The following SH3PXD2A variants were observed in gnomAD, a reference collection of about 807,000 sequenced individuals.
SH3PXD2A encodes the protein SH3 and PX domain-containing protein 2A.
In SH3PXD2A, 32 loss-of-function variants were observed where a neutral mutation model predicts 115.2. The ratio of observed to expected loss-of-function variants is 0.28; its 90% CI spans 0.21 to 0.37. The LOEUF (loss-of-function observed/expected upper bound fraction) is 0.37. Among genes scored for constraint, SH3PXD2A ranks in the 10% least tolerant of loss-of-function variants. The pLI is 1.00. For synonymous variants in SH3PXD2A, 610 were observed against 629.1 expected (o/e 0.97, Z 0.45); for missense variants, 1,328 against 1,498.7 (o/e 0.89, Z 1.88).
intron 2 of SH3PXD2A, among the ~76,000 whole-genome samples, chr10:103,783,396 C>T (rs887815603): frequency 2.0e-5 from 3 of 152,040 alleles, no homozygotes; most frequent in African/African-American, 7.2e-5. Context: ...CGGGGCTGGA[C>T]CACGGTGGGG....
intron 13 of SH3PXD2A, among the ~76,000 whole-genome samples, chr10:103,606,181 ATC>A (rs2036298294): frequency 3.1e-5 from 1 of 32,350 alleles, no homozygotes; most frequent in East Asian, 8.8e-4. Flanking sequence ...TATTACTATC[ATC>A]ATCATCATCA....
chr10:103,807,201 A>C (rs938535392), intron 1 of SH3PXD2A, among the ~76,000 whole-genome samples: 2 of 152,178 alleles, frequency 1.3e-5, no homozygotes, highest in East Asian at 3.8e-4. Flanking sequence ...CTGGTCTGGG[A>C]CCAATTAGAA....
Position 103,755,898 on chromosome 10 carries a change from G to A in SH3PXD2A, c.229+11196C>T, listed in dbSNP as rs113766924. On this transcript the variant is annotated intron_variant, in intron 3 of 14. Transcript: ENST00000369774. ...TTTCCTTCACACGAGCTTCGATCTT[G>A]ACAGTTGAAGCCTGCAGGGGTGTCG... is the stretch of plus-strand genomic sequence containing the variant. Among the ~76,000 whole-genome samples the A allele has an allele frequency of 4.4e-4, 67 of 152,308 alleles. 1 individual carries two copies. The highest frequency in any genetic ancestry group is 1.5e-3 in the African/African-American group (61 of 41,572).
intron 4 of SH3PXD2A, among the ~76,000 whole-genome samples, chr10:103,732,542 GTGGTGGGAC>G (rs2038333051): frequency 6.6e-6 from 1 of 152,220 alleles, no homozygotes; most frequent in Non-Finnish European, 1.5e-5. Flanking sequence ...CCGCCATTAG[GTGGTGGGAC>G]TGGCTGGCCA....
intron 1 of SH3PXD2A, among the ~76,000 whole-genome samples, chr10:103,819,024 T>C (rs2039350959): frequency 6.6e-6 from 1 of 152,234 alleles, no homozygotes; most frequent in African/African-American, 2.4e-5. Context: ...GCTTCCTTTG[T>C]TTTCTCTACA....
chr10:103,639,286 A>G (rs1349312812), intron 8 of SH3PXD2A, among the ~76,000 whole-genome samples: 1 of 152,224 alleles, frequency 6.6e-6, no homozygotes, highest in African/African-American at 2.4e-5. Context: ...GCTCACTCTA[A>G]TGGCTTCATA....
chr10:103,706,016 AAAAG>A (rs1234917895), intron 5 of SH3PXD2A, among the ~76,000 whole-genome samples: 2 of 151,944 alleles, frequency 1.3e-5, no homozygotes, highest in South Asian at 2.1e-4. Context: ...AAAAAAAAAA[AAAAG>A]AAAGAAAGAA....
chr10:103,805,627 A>G (rs1346323976), intron 1 of SH3PXD2A, among the ~76,000 whole-genome samples: 1 of 152,244 alleles, frequency 6.6e-6, no homozygotes, highest in Non-Finnish European at 1.5e-5. Flanking sequence ...ATGGTGGCTC[A>G]TGCCTGTAAT....
chr10:103,816,997 AT>A (rs56260224), intron 1 of SH3PXD2A, among the ~76,000 whole-genome samples: 25,665 of 99,390 alleles, frequency 0.26, 2,673 homozygotes, highest in Non-Finnish European at 0.3. Context: ...CACCCGGCTA[AT>A]TTTTTTTTTT....
chr10:103,799,386 G>T (rs1248522036), intron 2 of SH3PXD2A, among the ~76,000 whole-genome samples: 7 of 152,246 alleles, frequency 4.6e-5, no homozygotes, highest in Admixed American at 3.9e-4. Flanking sequence ...AATTTCCAAA[G>T]AACGATTCCA....
chr10:103,849,191 GGAA>G (rs1842875505), intron 1 of SH3PXD2A, among the ~76,000 whole-genome samples: 1 of 151,932 alleles, frequency 6.6e-6, no homozygotes, highest in Non-Finnish European at 1.5e-5. Context: ...GCTCTGATGG[GGAA>G]GAAGTGGCAC....
chr10:103,792,513 G>A (rs2039045417), intron 2 of SH3PXD2A, among the ~76,000 whole-genome samples: 1 of 152,152 alleles, frequency 6.6e-6, no homozygotes, highest in South Asian at 2.1e-4. Context: ...CCTATCCTAA[G>A]GGCTTTCTTT....
chr10:103,692,980 C>A (rs1295755543), intron 6 of SH3PXD2A, 48 bp downstream of exon 6: 1 of 1,560,310 alleles, frequency 6.4e-7, no homozygotes, highest in East Asian at 2.3e-5. Context: ...GGCGCGTGCA[C>A]GAAGCGGGAA....
chr10:103,662,465 T>TCTCAGCTCACTGCAAG (rs1320933862), intron 7 of SH3PXD2A, among the ~76,000 whole-genome samples: 2 of 124,856 alleles, frequency 1.6e-5, no homozygotes, highest in African/African-American at 6.4e-5. Flanking sequence ...AGTGGCGCAA[T>TCTCAGCTCACTGCAAG]CTCAGCTCAC....
rs896113295 is a variant in SH3PXD2A at position 103,809,468 on chromosome 10, G to A, written c.73-8106C>T. ...CACCAGTCGCCTCCAAAACACAGACGCTTCTACTGCAGACCTGGGCCAGAT... is the reference window on the plus strand; with the variant it reads ...CACCAGTCGCCTCCAAAACACAGACACTTCTACTGCAGACCTGGGCCAGAT... On this transcript the variant is annotated intron_variant, in intron 1 of 14. Coordinates refer to ENST00000369774, the MANE Select transcript of SH3PXD2A (RefSeq NM_001394015.1). 7.2e-5 allele frequency among the ~76,000 whole-genome samples: 11 copies of A among 152,130 alleles called. 1 individual carries two copies. In the East Asian group the frequency reaches 1.4e-3, roughly 19 times the overall value.
At chr10:103,712,407 G>T (rs1021376034) in intron 5 of SH3PXD2A, among the ~76,000 whole-genome samples, 1 of 152,174 alleles carries the variant, frequency 6.6e-6, no homozygotes, top group African/African-American at 2.4e-5. Flanking sequence ...TGTGGTTTGG[G>T]AGCGGGAAAC....
At chr10:103,751,890 G>A (rs1411915737) in intron 3 of SH3PXD2A, among the ~76,000 whole-genome samples, 1 of 152,198 alleles carries the variant, frequency 6.6e-6, no homozygotes, top group South Asian at 2.1e-4. Flanking sequence ...CCAGGCCCTC[G>A]TGATCTGTGA....
chr10:103,819,212 A>C (rs1589469119), intron 1 of SH3PXD2A, among the ~76,000 whole-genome samples: 1 of 152,332 alleles, frequency 6.6e-6, no homozygotes, highest in African/African-American at 2.4e-5. Flanking sequence ...TGTGGTGAGA[A>C]AGAGCAGTAC....
chr10:103,801,831 G>A (rs1411406335), intron 1 of SH3PXD2A, among the ~76,000 whole-genome samples: 2 of 152,142 alleles, frequency 1.3e-5, no homozygotes, highest in African/African-American at 4.8e-5. Flanking sequence ...AGCCTCCCGA[G>A]TAGCTGGGAA....
Sources: allele counts gnomAD v4.1 joint callset (sites outside exome capture counted in the v4.1 genomes callset), GRCh38; gene constraint gnomAD v4.1.1; transcripts MANE v1.5; gene names NCBI Gene and HGNC (gene_info 2026-07-23, HGNC 2026-07-21).